Variants in ANK3 observed in about 807,000 individuals in gnomAD.
ANK3 encodes ankyrin 3.
A neutral mutation model predicts 370.9 loss-of-function variants in ANK3; 57 were observed. That is an observed-to-expected ratio of 0.15 (90% CI 0.12 to 0.19). The LOEUF (loss-of-function observed/expected upper bound fraction) is 0.19, where lower values mean the gene tolerates loss of function less well. Among genes scored for constraint, ANK3 ranks in the 10% least tolerant of loss-of-function variants. The probability of loss-of-function intolerance (pLI) is 1.00; values close to 1 mark genes in which losing one functional copy is unlikely to be tolerated. For missense variants in ANK3, 4,439 were observed against 5,302.1 expected, an observed-to-expected ratio of 0.84 and a Z score of 5.06; for synonymous variants, 1,929 against 1,946.3, an observed-to-expected ratio of 0.99 and a Z score of 0.23.
At position 60,328,884 on chromosome 10, in the gene ANK3, A is replaced by G. The variant is rs1308868521; in HGVS notation, c.115-49245T>C. On this transcript the variant is annotated intron_variant, in intron 1 of 43. Coordinates refer to ENST00000280772, the MANE Select transcript of ANK3 (RefSeq NM_020987.5). ...ATGAACATCAATGTGAAAATCTTCA[A>G]TAAAATACTGGCAAACCAAATCCAG... 3.3e-5 allele frequency among the ~76,000 whole-genome samples: 5 copies of G among 152,240 alleles called. No homozygotes were observed. In the East Asian group the frequency reaches 7.7e-4, roughly 23 times the overall value.
chr10:60,067,800 T>C (rs2131959218), intron 38 of ANK3, 135 bp downstream of exon 38: 3 of 596,084 alleles, frequency 5.0e-6, no homozygotes, highest in Non-Finnish European at 8.3e-6. Flanking sequence ...TCTGGGTAGA[T>C]AAAATTATTG....
intron 1 of ANK3, among the ~76,000 whole-genome samples, chr10:60,358,216 C>G (rs1320528630): frequency 6.6e-6 from 1 of 152,012 alleles, no homozygotes; most frequent in Non-Finnish European, 1.5e-5. Flanking sequence ...ATAAAATGCT[C>G]CAATATATTG....
intron 23 of ANK3, among the ~76,000 whole-genome samples, chr10:60,163,585 AAG>A (rs1285314516): frequency 2.0e-5 from 3 of 152,246 alleles, no homozygotes; most frequent in South Asian, 4.1e-4. Context: ...GTACAAAAGA[AAG>A]AGAAGACGAT....
At position 60,543,672 on chromosome 10, in the gene ANK3, C is replaced by A. The variant is rs202121452; in HGVS notation, c.96+71514G>T. ...TATTTATACATTTTTATTTTTATGT[C>A]ATGCACATGTATTTATTCTTAAATA... On this transcript the variant is annotated intron_variant, in intron 2 of 43. Coordinates refer to the ANK3 transcript ENST00000373827. Among the ~76,000 whole-genome samples, 9 of 152,072 alleles carry A rather than the reference C, an allele frequency of 5.9e-5. No individual in the cohort carries two copies. In the East Asian group the frequency reaches 9.7e-4, roughly 16 times the overall value.
rs2097304045 is a variant in ANK3 at position 60,234,834 on chromosome 10, A to G, written c.799-48T>C. 7.0e-6 allele frequency: 9 copies of G among 1,282,480 alleles called. No individual in the cohort carries two copies. The South Asian group carries it at 8.5e-5, about 12-fold the overall frequency. 79.4% of individuals were successfully genotyped at this position (1,282,480 alleles called of 1,614,324 possible). A position where few individuals can be genotyped will look rare whatever the true frequency, so the allele number is the denominator to read the frequency against. Reference sequence around the variant, plus strand: ...CAGATTTGATATTTTTGGTTTCAACAAAACGTTCCTTTCTAAACTTCCCCC... The same window carrying G: ...CAGATTTGATATTTTTGGTTTCAACGAAACGTTCCTTTCTAAACTTCCCCC... On this transcript the variant is annotated intron_variant, in intron 7 of 43. Transcript: ENST00000280772.
chr10:60,694,385 A>G (rs1179876310), intron 1 of ANK3, among the ~76,000 whole-genome samples: 2 of 152,206 alleles, frequency 1.3e-5, no homozygotes, highest in Admixed American at 6.5e-5. Context: ...CAGATGCAGG[A>G]AATACAGATA....
intron 1 of ANK3, among the ~76,000 whole-genome samples, chr10:60,365,621 G>T (rs1488172913): frequency 6.6e-6 from 1 of 152,132 alleles, no homozygotes; most frequent in Non-Finnish European, 1.5e-5. Context: ...CTCTTTAAAT[G>T]GAACGAGAGA....
At chr10:60,546,849 T>C (rs1028925801) in intron 2 of ANK3, among the ~76,000 whole-genome samples, 2 of 152,188 alleles carry the variant, frequency 1.3e-5, no homozygotes, top group African/African-American at 4.8e-5. Flanking sequence ...CCTCTCATAG[T>C]GCTTCCCAGT....
At chr10:60,259,417 T>C (rs7093272) in intron 7 of ANK3, among the ~76,000 whole-genome samples, 15,460 of 152,198 alleles carry the variant, frequency 0.1, 898 homozygotes, top group South Asian at 0.17. Context: ...CTGGGAAAAA[T>C]GCATTTCTGA....
At chr10:60,648,186 A>C (rs1588969365) in intron 1 of ANK3, among the ~76,000 whole-genome samples, 1 of 101,988 alleles carries the variant, frequency 9.8e-6, no homozygotes, top group Non-Finnish European at 1.9e-5. Flanking sequence ...GGAGTCTCGC[A>C]CTGTCTCCCA....
intron 1 of ANK3, among the ~76,000 whole-genome samples, chr10:60,347,805 C>T (rs958052687): frequency 2.0e-5 from 3 of 152,146 alleles, no homozygotes; most frequent in African/African-American, 7.2e-5. Context: ...CTGGGACTCA[C>T]CCCCTGAGAA....
chr10:60,710,611 T>C (rs1376875857), intron 1 of ANK3, among the ~76,000 whole-genome samples: 1 of 152,188 alleles, frequency 6.6e-6, no homozygotes, highest in Non-Finnish European at 1.5e-5. Flanking sequence ...TCTTTTCCAA[T>C]ATATTTTTTA....
At chr10:60,444,817 T>C (rs114235224) in intron 2 of ANK3, among the ~76,000 whole-genome samples, 38 of 152,314 alleles carry the variant, frequency 2.5e-4, no homozygotes, top group African/African-American at 9.1e-4. Flanking sequence ...TTATGAAGTG[T>C]CTGAAGGGCC....
intron 1 of ANK3, among the ~76,000 whole-genome samples, chr10:60,349,047 A>T (rs1017985636): frequency 6.8e-6 from 1 of 147,710 alleles, no homozygotes; most frequent in Non-Finnish European, 1.5e-5. Flanking sequence ...TCCAAGGGTG[A>T]GTAAGTGGTA....
chr10:60,050,936 G>C (rs1357683230), intron 42 of ANK3, among the ~76,000 whole-genome samples: 1 of 144,520 alleles, frequency 6.9e-6, no homozygotes, highest in Non-Finnish European at 1.5e-5. Context: ...TACTTGACTT[G>C]CATTGTGTCA....
chr10:60,690,982 G>A (rs1318825538), intron 1 of ANK3, among the ~76,000 whole-genome samples: 1 of 151,974 alleles, frequency 6.6e-6, no homozygotes, highest in African/African-American at 2.4e-5. Context: ...TTTAACTCCT[G>A]GATTAAACCC....
At chr10:60,304,364 T>TG (rs907205566) in intron 1 of ANK3, among the ~76,000 whole-genome samples, 1 of 152,098 alleles carries the variant, frequency 6.6e-6, no homozygotes. Context: ...AAACATTGGC[T>TG]GGGGGTGGTG....
At chr10:60,236,688 C>G (rs772214756) in intron 7 of ANK3, among the ~76,000 whole-genome samples, 9 of 152,150 alleles carry the variant, frequency 5.9e-5, no homozygotes, top group Non-Finnish European at 1.2e-4. Context: ...TCTCTTTGCT[C>G]ACTATTCTTA....
intron 8 of ANK3, among the ~76,000 whole-genome samples, chr10:60,214,596 G>A (rs575180604): frequency 5.9e-5 from 9 of 152,076 alleles, no homozygotes; most frequent in Non-Finnish European, 1.0e-4. Context: ...CCACTTATGA[G>A]TGAGAACATG....
Sources: allele counts gnomAD v4.1 joint callset (sites outside exome capture counted in the v4.1 genomes callset), GRCh38; gene constraint gnomAD v4.1.1; transcripts MANE v1.5; gene names NCBI Gene and HGNC (gene_info 2026-07-23, HGNC 2026-07-21).